The following USP40 variants were observed in gnomAD, a reference collection of about 807,000 sequenced individuals.
USP40 encodes the protein ubiquitin specific peptidase 40.
A neutral mutation model predicts 166.2 loss-of-function variants in USP40; 143 were observed. The ratio of observed to expected loss-of-function variants is 0.86; its 90% confidence interval spans 0.75 to 0.99. The LOEUF is 0.99. Among genes scored for constraint, USP40 ranks in the 50% least tolerant of loss-of-function variants. The pLI is 0.00. For missense variants in USP40, 1,444 were observed against 1,479.7 expected (o/e 0.98, Z 0.40); for synonymous variants, 498 against 524.0 (o/e 0.95, Z 0.68).
At chr2:233,525,315 T>C (rs1050601923) in intron 14 of USP40, among the ~76,000 whole-genome samples, 163 bp downstream of exon 14, 1 of 152,156 alleles carries the variant, frequency 6.6e-6, no homozygotes, top group South Asian at 2.1e-4. Context: ...CATTAAAACG[T>C]GGATATTTTA....
Position 233,540,740 on chromosome 2 carries a change from C to A in USP40, c.1092G>T (p.Gln364His), listed in dbSNP as rs758020229. ...EEENNLIPVD[Q>H]LGQKLLKKIG... ...TCTTTTTCAAAAGTTTCTGGCCCAGCTGATCAACAGGAATTAGATTATTCT... is the reference window on the plus strand; with the variant it reads ...TCTTTTTCAAAAGTTTCTGGCCCAGATGATCAACAGGAATTAGATTATTCT... Residue 364 changes from glutamine (Q) to histidine (H), a missense_variant, in exon 10 of 32, where the codon CAG becomes CAT. Gln to His is a conservative substitution (Grantham distance 24). Transcript: ENST00000678225. The A allele has an allele frequency of 6.2e-7, 1 of 1,613,394 alleles. No homozygotes were observed. Among genetic ancestry groups the A allele is most frequent in the Non-Finnish European group, 8.5e-7 (1 of 1,179,588 alleles).
chr2:233,476,789 G>A lies in USP40; in HGVS notation c.*603C>T, dbSNP rs190331600. 3.7e-3 allele frequency: 590 copies of A among 160,512 alleles called. 1 individual carries two copies. Among genetic ancestry groups the A allele is most frequent in the Non-Finnish European group, 6.2e-3 (448 of 72,538 alleles). 9.9% of individuals were successfully genotyped at this position (160,512 alleles called of 1,614,324 possible). A position where few individuals can be genotyped will look rare whatever the true frequency, so the allele number is the denominator to read the frequency against. Reference sequence around the variant, plus strand: ...AGGCCACCCTGTGTGGCTCCTCCTCGTGGAAAGAGCTCGCACTTTTCAGCA... The same window carrying A: ...AGGCCACCCTGTGTGGCTCCTCCTCATGGAAAGAGCTCGCACTTTTCAGCA... On this transcript the variant is annotated 3_prime_UTR_variant, in exon 32 of 32. Transcript: ENST00000678225.
intron 7 of USP40, among the ~76,000 whole-genome samples, chr2:233,549,877 T>C (rs1359071028): frequency 6.6e-6 from 1 of 152,138 alleles, no homozygotes; most frequent in African/African-American, 2.4e-5. Flanking sequence ...ATAATTAATA[T>C]GCTCCATAAT....
intron 5 of USP40, among the ~76,000 whole-genome samples, chr2:233,556,214 G>A (rs1018891725): frequency 6.6e-6 from 1 of 151,974 alleles, no homozygotes; most frequent in Non-Finnish European, 1.5e-5. Flanking sequence ...AAGGATCAGT[G>A]ATGAATTCAG....
chr2:233,547,575 C>T (rs747167911), intron 8 of USP40, among the ~76,000 whole-genome samples: 3 of 152,194 alleles, frequency 2.0e-5, no homozygotes, highest in Non-Finnish European at 4.4e-5. Flanking sequence ...AAGCATTTTA[C>T]ATCCTAACAT....
chr2:233,565,157 T>C (rs2072025478), intron 2 of USP40, among the ~76,000 whole-genome samples, 199 bp downstream of exon 2: 1 of 152,224 alleles, frequency 6.6e-6, no homozygotes, highest in South Asian at 2.1e-4. Context: ...ATTATTGTCA[T>C]CACCCAGGAT....
intron 11 of USP40, among the ~76,000 whole-genome samples, chr2:233,531,676 G>C (rs1168649124): frequency 6.6e-6 from 1 of 152,050 alleles, no homozygotes; most frequent in East Asian, 1.9e-4. Flanking sequence ...TTTAGATCTG[G>C]AAAGTTAATT....
intron 4 of USP40, 66 bp downstream of exon 4, chr2:233,559,745 C>T (rs2071407961): frequency 1.7e-6 from 2 of 1,150,172 alleles, no homozygotes; most frequent in Admixed American, 2.7e-5. Flanking sequence ...AGTTAGATAA[C>T]ATTAAACCAG....
chr2:233,531,403 C>T (rs1173020039), intron 11 of USP40, among the ~76,000 whole-genome samples: 44 of 152,132 alleles, frequency 2.9e-4, no homozygotes, highest in Admixed American at 2.8e-3. Flanking sequence ...AAAAAGTACA[C>T]CTAGATTTTT....
intron 21 of USP40, among the ~76,000 whole-genome samples, chr2:233,504,671 T>C (rs963170823): frequency 6.6e-6 from 1 of 151,982 alleles, no homozygotes. Flanking sequence ...CAATTGTAAA[T>C]ATATATGCAA....
chr2:233,498,435 T>G lies in USP40; in HGVS notation c.2715+113A>C, dbSNP rs935631512. 2.5e-5 allele frequency: 23 copies of G among 926,700 alleles called. No individual in the cohort carries two copies. The Admixed American group carries it at 4.7e-4, about 19-fold the overall frequency. The allele number at this position is 926,700 out of a possible 1,614,324, so 57.4% of individuals were successfully genotyped here. A position where few individuals can be genotyped will look rare whatever the true frequency, so the allele number is the denominator to read the frequency against. ...GTAAAATAGACCCATTCATAGATAT[T>G]TGTATCCTATAGAAAGTAATTAAAG... On this transcript the variant is annotated intron_variant, in intron 23 of 31. Transcript: ENST00000678225.
chr2:233,519,448 GT>G (rs2067496884), intron 18 of USP40, 165 bp downstream of exon 18: 1 of 543,752 alleles, frequency 1.8e-6, no homozygotes, highest in Non-Finnish European at 3.4e-6. Context: ...CATTTATAAT[GT>G]TTCAAACAAA....
intron 26 of USP40, chr2:233,489,899 G>T: frequency 6.2e-6 from 1 of 160,560 alleles, no homozygotes; most frequent in South Asian, 1.8e-4. Flanking sequence ...TGTCTGCTCT[G>T]CCGATGAATC....
At chr2:233,516,063 G>A (rs1260253844) in intron 18 of USP40, among the ~76,000 whole-genome samples, 2 of 152,092 alleles carry the variant, frequency 1.3e-5, no homozygotes, top group African/African-American at 4.8e-5. Flanking sequence ...GATCTCTGTT[G>A]CACATGCTTC....
rs1233236122 is a variant in USP40 at position 233,495,012 on chromosome 2, T to TAA, written c.2791-1462_2791-1461insTT. 3.0e-4 allele frequency among the ~76,000 whole-genome samples: 34 copies of TAA among 114,390 alleles called. 1 individual carries two copies. The highest frequency in any genetic ancestry group is 1.1e-3 in the African/African-American group (33 of 30,860). 75.0% of individuals were successfully genotyped at this position (114,390 alleles called of 152,430 possible). A position where few individuals can be genotyped will look rare whatever the true frequency, so the allele number is the denominator to read the frequency against. Reference sequence around the variant, plus strand: ...CATAAAAAATAAATAAATAAATAAATATATAAAATAAATATATTTTTTACA... The same window carrying TAA: ...CATAAAAAATAAATAAATAAATAAATAAATATAAAATAAATATATTTTTTACA... On this transcript the variant is annotated intron_variant, in intron 24 of 31. Coordinates refer to ENST00000678225, the MANE Select transcript of USP40 (RefSeq NM_001365479.2).
chr2:233,478,326 C>T (rs556130917), intron 31 of USP40, among the ~76,000 whole-genome samples: 5 of 152,318 alleles, frequency 3.3e-5, no homozygotes, highest in African/African-American at 9.6e-5. Flanking sequence ...AGTGACTCTG[C>T]GTCCTCAACA....
chr2:233,527,654 T>C (rs1294516477), intron 12 of USP40, 76 bp from the exon 13 acceptor site: 66 of 1,307,898 alleles, frequency 5.0e-5, no homozygotes, highest in Non-Finnish European at 6.5e-5. Context: ...ACCAAAGATA[T>C]CTGGCTTACA....
chr2:233,477,967 G>T (rs1575202236), intron 31 of USP40, among the ~76,000 whole-genome samples: 1 of 152,322 alleles, frequency 6.6e-6, no homozygotes, highest in African/African-American at 2.4e-5. Flanking sequence ...CTTTCGCTGT[G>T]ACCCCCCCGG....
At chr2:233,531,651 T>C (rs561014271) in intron 11 of USP40, among the ~76,000 whole-genome samples, 3 of 152,220 alleles carry the variant, frequency 2.0e-5, no homozygotes, top group Non-Finnish European at 4.4e-5. Flanking sequence ...ATTAACAGCA[T>C]AGTTATGTAA....
Sources: allele counts gnomAD v4.1 joint callset (sites outside exome capture counted in the v4.1 genomes callset), GRCh38; gene constraint gnomAD v4.1.1; transcripts MANE v1.5; gene names NCBI Gene and HGNC (gene_info 2026-07-23, HGNC 2026-07-21).